PIK3C2A: variants seen among roughly 807,000 people sequenced by gnomAD.
PIK3C2A encodes phosphatidylinositol-4-phosphate 3-kinase catalytic subunit type 2 alpha, also known as phosphatidylinositol 4-phosphate 3-kinase C2 domain-containing subunit alpha.
PIK3C2A carries 97 observed loss-of-function variants against 204.5 expected under a neutral mutation model. The ratio of observed to expected loss-of-function variants is 0.47; its 90% CI spans 0.40 to 0.56. The LOEUF (loss-of-function observed/expected upper bound fraction) is 0.56, where lower values mean the gene tolerates loss of function less well. Ranked by LOEUF, PIK3C2A falls within the 20% of genes least tolerant of loss-of-function variation. The pLI is 0.00. For synonymous variants in PIK3C2A, 653 were observed against 664.4 expected (o/e 0.98, Z 0.26); for missense variants, 1,735 against 1,969.2 (o/e 0.88, Z 2.25).
chr11:17,148,719 C>T lies in PIK3C2A; in HGVS notation c.1396G>A (p.Asp466Asn). 1.2e-6 allele frequency: 2 copies of T among 1,612,724 alleles called. No individual in the cohort carries two copies. The highest frequency in any genetic ancestry group is 1.7e-6 in the Non-Finnish European group (2 of 1,178,962). Reference protein sequence around the residue: ...CWVHDDLNQVDVGSYVLKVCG... With the variant: ...CWVHDDLNQVNVGSYVLKVCG... ...ACTTTTAGAACATAGCTGCCAACAT[C>T]TACTTGATTCAAGTCATCATGTACC... Residue 466 changes from aspartate to asparagine, a missense_variant, in exon 5 of 33, where the codon GAT becomes AAT. Physicochemically the swap from Asp to Asn is conservative, Grantham distance 23. This residue lies in a region of PIK3C2A where 536 missense variants were observed against 546.7 expected (regional missense o/e 0.98). Transcript: ENST00000691414.
intron 8 of PIK3C2A, among the ~76,000 whole-genome samples, chr11:17,137,539 G>A (rs973001042): frequency 1.3e-5 from 2 of 150,398 alleles, no homozygotes; most frequent in African/African-American, 4.9e-5. Context: ...CTCCCGAGTA[G>A]CTGGGATTAC....
chr11:17,119,837 T>A lies in PIK3C2A; in HGVS notation c.2795A>T (p.His932Leu). 1 of 1,608,178 alleles carries A rather than the reference T, an allele frequency of 6.2e-7. No individual in the cohort carries two copies. The highest frequency in any genetic ancestry group is 8.5e-7 in the Non-Finnish European group (1 of 1,177,766). ...TAGTGGGTACAATGCAGGCCACTGG[T>A]GAAGCAATGAGTAAGTTTTGGCAAG... is the stretch of plus-strand genomic sequence containing the variant. ...VNLAKTYSLLHQWPALYPLIA... is the reference protein window; with the variant it reads ...VNLAKTYSLLLQWPALYPLIA... The change falls in exon 16 of 33, where the codon CAC becomes CTC. Residue 932 changes from histidine to leucine, a missense_variant. His to Leu is a moderately conservative substitution (Grantham distance 99). Transcript: ENST00000691414.
intron 8 of PIK3C2A, chr11:17,138,326 T>C (rs1590951328): frequency 9.6e-5 from 1 of 10,384 alleles, no homozygotes; most frequent in Non-Finnish European, 3.0e-4. Flanking sequence ...GCCAGCTTCC[T>C]TTTTTTTTTT....
chr11:17,133,472 T>C (rs1234292125), intron 11 of PIK3C2A, among the ~76,000 whole-genome samples: 1 of 152,186 alleles, frequency 6.6e-6, no homozygotes, highest in Non-Finnish European at 1.5e-5. Context: ...AAAACATCAC[T>C]TTTAAGTCAC....
At chr11:17,151,429 A>G (rs1394600179) in intron 3 of PIK3C2A, among the ~76,000 whole-genome samples, 2 of 152,212 alleles carry the variant, frequency 1.3e-5, no homozygotes, top group East Asian at 3.9e-4. Flanking sequence ...AATGAATGCT[A>G]GAAGTATTGT....
In PIK3C2A at chr11:17,119,370, A is replaced by ATTT. The variant is rs1031518891; in HGVS notation, c.2847-60_2847-58dup. ...AGTGATTTCTTTCCAGTGAAGCTGTATTTTTTGAAAACACAATCTCAATCT... is the reference window on the plus strand; with the variant it reads ...AGTGATTTCTTTCCAGTGAAGCTGTATTTTTTTTTGAAAACACAATCTCAATCT... On this transcript the variant is annotated intron_variant, in intron 16 of 32. Coordinates refer to ENST00000691414, the MANE Select transcript of PIK3C2A (RefSeq NM_002645.4). 6 of 1,019,340 alleles carry ATTT rather than the reference A, an allele frequency of 5.9e-6. No individual in the cohort carries two copies. The African/African-American group carries it at 7.9e-5, about 13-fold the overall frequency. 63.1% of individuals were successfully genotyped at this position (1,019,340 alleles called of 1,614,324 possible).
chr11:17,172,110 G>A (rs1019980767), intron 1 of PIK3C2A, among the ~76,000 whole-genome samples: 1 of 152,156 alleles, frequency 6.6e-6, no homozygotes, highest in South Asian at 2.1e-4. Context: ...GGAATAGGAG[G>A]AGCACAAATT....
intron 1 of PIK3C2A, among the ~76,000 whole-genome samples, chr11:17,174,097 A>G (rs1161015114): frequency 2.0e-5 from 3 of 151,048 alleles, no homozygotes; most frequent in African/African-American, 7.3e-5. Flanking sequence ...AAGTGCTGGG[A>G]TTACAGGCGT....
At chr11:17,190,869 TG>T (rs1360053655) in intron 1 of PIK3C2A, among the ~76,000 whole-genome samples, 3 of 152,024 alleles carry the variant, frequency 2.0e-5, no homozygotes, top group African/African-American at 7.2e-5. Flanking sequence ...TCTAATATAA[TG>T]TGTAATTGGA....
chr11:17,097,963 A>G (rs1349618961), intron 26 of PIK3C2A, among the ~76,000 whole-genome samples: 1 of 152,144 alleles, frequency 6.6e-6, no homozygotes, highest in Non-Finnish European at 1.5e-5. Context: ...CAAATTTTAA[A>G]AATTCTCTCC....
At chr11:17,107,490 A>G (rs549875090) in intron 22 of PIK3C2A, among the ~76,000 whole-genome samples, 1 of 152,336 alleles carries the variant, frequency 6.6e-6, no homozygotes, top group East Asian at 1.9e-4. Flanking sequence ...GGTTGTGCAT[A>G]TTAGAATATA....
rs146442752 is a variant in PIK3C2A at position 17,150,654 on chromosome 11, A to T, written c.1171T>A (p.Leu391Met). 1 of 1,591,062 alleles carries T rather than the reference A, an allele frequency of 6.3e-7. No homozygotes were observed. The highest frequency in any genetic ancestry group is 8.5e-7 in the Non-Finnish European group (1 of 1,170,854). The part of the protein sequence containing the change: ...MAAFCRSITK[L>M]KTKFPYTNHR... ...TTGGTATATGGAAATTTGGTCTTCA[A>T]TCTGTTCACAAGAAAGAAGAAATTA... is the stretch of plus-strand genomic sequence containing the variant. Residue 391 changes from leucine to methionine, a missense_variant and splice_region_variant, in exon 4 of 33, where the codon TTG becomes ATG. Leu to Met is a conservative substitution (Grantham distance 15, BLOSUM62 2). Transcript: ENST00000691414.
At chr11:17,097,739 C>G (rs1417831727) in intron 26 of PIK3C2A, among the ~76,000 whole-genome samples, 2 of 152,142 alleles carry the variant, frequency 1.3e-5, no homozygotes, top group Non-Finnish European at 2.9e-5. Context: ...CATGGCAAAA[C>G]CCTGACTCTA....
chr11:17,158,065 T>G (rs1270120923), intron 2 of PIK3C2A, among the ~76,000 whole-genome samples: 1 of 151,152 alleles, frequency 6.6e-6, no homozygotes, highest in Non-Finnish European at 1.5e-5. Context: ...TCTATTAATT[T>G]TTGGCTGGGC....
rs1849392808 is a variant in PIK3C2A, at chr11:17,122,360, A to G, written c.2512-27T>C. ...TTTAAAATTTAACAGAAATTGATCAAATTACAGTCTACGTATTTGCCACAT... is the reference window on the plus strand; with the variant it reads ...TTTAAAATTTAACAGAAATTGATCAGATTACAGTCTACGTATTTGCCACAT... On this transcript the variant is annotated intron_variant, in intron 14 of 32. Coordinates refer to ENST00000691414, the MANE Select transcript of PIK3C2A (RefSeq NM_002645.4). The G allele has an allele frequency of 2.1e-6, 3 of 1,437,888 alleles. No homozygotes were observed. The Admixed American group carries it at 5.5e-5, about 26-fold the overall frequency. The allele number at this position is 1,437,888 out of a possible 1,614,324, so 89.1% of individuals were successfully genotyped here. A position where few individuals can be genotyped will look rare whatever the true frequency, so the allele number is the denominator to read the frequency against.
intron 22 of PIK3C2A, among the ~76,000 whole-genome samples, chr11:17,107,646 A>G (rs1848867914): frequency 6.6e-6 from 1 of 152,234 alleles, no homozygotes; most frequent in African/African-American, 2.4e-5. Flanking sequence ...CTATGTGCAA[A>G]TATTATTTAT....
rs1424259274 is a variant in PIK3C2A at position 17,087,047 on chromosome 11, G to A, written c.*2691C>T. 6.6e-6 allele frequency: 1 copy of A among 152,142 alleles called. No homozygotes were observed. Among genetic ancestry groups the A allele is most frequent in the Non-Finnish European group, 1.5e-5 (1 of 67,996 alleles). The allele number at this position is 152,142 out of a possible 1,614,324, so 9.4% of individuals were successfully genotyped here. On this transcript the variant is annotated 3_prime_UTR_variant, in exon 33 of 33. Coordinates refer to ENST00000691414, the MANE Select transcript of PIK3C2A (RefSeq NM_002645.4). ...TGCAAGTTCTACATTGGGTTCCTCA[G>A]TAGAGAAAATAATAGGTTCTTTGAG...
chr11:17,158,526 T>C (rs927531221), intron 2 of PIK3C2A, among the ~76,000 whole-genome samples: 11 of 151,968 alleles, frequency 7.2e-5, no homozygotes, highest in African/African-American at 2.4e-4. Flanking sequence ...ACAGCTAATA[T>C]AGGCAGAGTG....
chr11:17,105,011 CTT>C (rs985281562), intron 23 of PIK3C2A, among the ~76,000 whole-genome samples, 156 bp downstream of exon 23: 6 of 152,150 alleles, frequency 3.9e-5, no homozygotes, highest in African/African-American at 1.4e-4. Context: ...TTAAATGCGT[CTT>C]GTTTTACATT....
Sources: gnomAD v4.1 joint callset for allele counts (sites outside exome capture counted in the v4.1 genomes callset) on GRCh38, gnomAD v4.1.1 for gene constraint, gnomAD v4.1.1 regional missense constraint, MANE v1.5 for transcripts, NCBI Gene and HGNC (gene_info 2026-07-23, HGNC 2026-07-21) for gene names.